NFIA: variants seen among roughly 807,000 people sequenced by gnomAD.
NFIA encodes nuclear factor 1 A-type.
A neutral mutation model predicts 62.8 loss-of-function variants in NFIA; 8 were observed. The observed-to-expected ratio is 0.13, with a 90% CI of 0.07 to 0.23. The LOEUF is 0.23. Ranked by LOEUF, NFIA falls within the 10% of genes least tolerant of loss-of-function variation. The pLI, the probability that NFIA is intolerant of heterozygous loss-of-function variation, is 1.00. For missense variants in NFIA, 410 were observed against 642.1 expected (o/e 0.64, Z 3.91); for synonymous variants, 235 against 238.1 (o/e 0.99, Z 0.12).
chr1:61,450,304 T>A (rs1668002481), intron 10 of NFIA, among the ~76,000 whole-genome samples: 1 of 152,206 alleles, frequency 6.6e-6, no homozygotes, highest in Non-Finnish European at 1.5e-5. Flanking sequence ...AGAGACCTCA[T>A]CCATTTCTAT....
At chr1:61,191,587 G>A (rs1651627575) in intron 2 of NFIA, among the ~76,000 whole-genome samples, 1 of 152,172 alleles carries the variant, frequency 6.6e-6, no homozygotes, top group Admixed American at 6.5e-5. Flanking sequence ...AGCTTCTGCT[G>A]TGTAGATAGT....
At chr1:61,106,030 T>A (rs1462330183) in intron 2 of NFIA, among the ~76,000 whole-genome samples, 2 of 151,716 alleles carry the variant, frequency 1.3e-5, no homozygotes, top group African/African-American at 4.8e-5. Context: ...ATATTACCAC[T>A]GGAGGGAAGC....
At chr1:61,358,464 G>T (rs7553528) in intron 5 of NFIA, among the ~76,000 whole-genome samples, 63,381 of 140,628 alleles carry the variant, frequency 0.45, 14,767 homozygotes, top group East Asian at 0.69. Flanking sequence ...TCGGCTCACT[G>T]CAACCTCCAC....
At chr1:61,138,256 G>A (rs935692851) in intron 2 of NFIA, among the ~76,000 whole-genome samples, 1 of 151,772 alleles carries the variant, frequency 6.6e-6, no homozygotes, top group African/African-American at 2.4e-5. Flanking sequence ...CCACCACGTA[G>A]GGCTAATTTT....
intron 6 of NFIA, among the ~76,000 whole-genome samples, chr1:61,363,833 G>A (rs1308143186): frequency 6.6e-6 from 1 of 151,980 alleles, no homozygotes; most frequent in Non-Finnish European, 1.5e-5. Flanking sequence ...TTAGGTCTTT[G>A]TTCAAATAGT....
At chr1:61,450,069 T>A (rs1037161708) in intron 10 of NFIA, among the ~76,000 whole-genome samples, 2 of 152,132 alleles carry the variant, frequency 1.3e-5, no homozygotes, top group East Asian at 1.9e-4. Flanking sequence ...TAAAATCCTA[T>A]TGGGAGAAAA....
chr1:61,424,122 G>A (rs561832564), intron 9 of NFIA, among the ~76,000 whole-genome samples: 1 of 152,140 alleles, frequency 6.6e-6, no homozygotes, highest in African/African-American at 2.4e-5. Flanking sequence ...CTTCTGGGAT[G>A]TTCTGAAACT....
chr1:61,198,178 A>C (rs1652170493), intron 2 of NFIA, among the ~76,000 whole-genome samples: 2 of 152,364 alleles, frequency 1.3e-5, no homozygotes, highest in South Asian at 4.1e-4. Flanking sequence ...AAACTGACCA[A>C]CATTTAATTC....
intron 2 of NFIA, among the ~76,000 whole-genome samples, chr1:61,254,986 A>G (rs1194654952): frequency 6.6e-6 from 1 of 152,220 alleles, no homozygotes; most frequent in Non-Finnish European, 1.5e-5. Context: ...CGTTTGTGAC[A>G]GCTAGGATCC....
chr1:61,161,640 C>A lies in NFIA; in HGVS notation c.559+72960C>A, dbSNP rs1045152566. On this transcript the variant is annotated intron_variant, in intron 2 of 10. Coordinates refer to ENST00000403491, the MANE Select transcript of NFIA (RefSeq NM_001134673.4). Reference sequence around the variant, plus strand: ...ACACACGCAGACAGTCTCTGACTTTCAACGGTTTGACTTTATGATGAGTTT... The same window carrying A: ...ACACACGCAGACAGTCTCTGACTTTAAACGGTTTGACTTTATGATGAGTTT... Among the ~76,000 whole-genome samples, 5 of 151,798 alleles carry A rather than the reference C, an allele frequency of 3.3e-5. No individual in the cohort carries two copies. In the South Asian group the frequency reaches 1.0e-3, roughly 32 times the overall value.
intron 6 of NFIA, among the ~76,000 whole-genome samples, chr1:61,370,574 C>G (rs964385909): frequency 6.6e-6 from 1 of 152,190 alleles, no homozygotes; most frequent in African/African-American, 2.4e-5. Context: ...TAAAGTATCA[C>G]TGACCTCCCT....
intron 2 of NFIA, among the ~76,000 whole-genome samples, chr1:61,239,351 T>C (rs1246500212): frequency 2.0e-5 from 3 of 152,232 alleles, no homozygotes; most frequent in African/African-American, 7.2e-5. Flanking sequence ...TGAATAATTA[T>C]TATAAGTGAT....
At chr1:61,361,647 C>G (rs956903863) in intron 6 of NFIA, among the ~76,000 whole-genome samples, 2 of 152,060 alleles carry the variant, frequency 1.3e-5, no homozygotes, top group Admixed American at 1.3e-4. Context: ...CCTAGTGACT[C>G]TTTTATTCAG....
At chr1:61,165,589 TGCA>T (rs1649514575) in intron 2 of NFIA, among the ~76,000 whole-genome samples, 1 of 152,246 alleles carries the variant, frequency 6.6e-6, no homozygotes, top group African/African-American at 2.4e-5. Context: ...TACACCTTTC[TGCA>T]GCTTAACTGC....
At chr1:61,396,460 T>C (rs1387249848) in intron 7 of NFIA, among the ~76,000 whole-genome samples, 2 of 152,022 alleles carry the variant, frequency 1.3e-5, no homozygotes, top group African/African-American at 4.8e-5. Flanking sequence ...TTGCCCAGGG[T>C]GGTCTCAAAC....
intron 4 of NFIA, among the ~76,000 whole-genome samples, chr1:61,333,340 A>G (rs537626551): frequency 1.3e-5 from 2 of 152,330 alleles, no homozygotes; most frequent in South Asian, 4.1e-4. Flanking sequence ...TTTTCATTTC[A>G]GGTTCATACC....
At chr1:61,279,591 A>G (rs1658013535) in intron 3 of NFIA, among the ~76,000 whole-genome samples, 1 of 152,202 alleles carries the variant, frequency 6.6e-6, no homozygotes, top group African/African-American at 2.4e-5. Flanking sequence ...TAATCTCCCT[A>G]AAGATGTCTC....
At chr1:61,384,210 A>T (rs1664567425) in intron 7 of NFIA, among the ~76,000 whole-genome samples, 1 of 152,206 alleles carries the variant, frequency 6.6e-6, no homozygotes, top group Admixed American at 6.5e-5. Flanking sequence ...TTCATAAAAC[A>T]TCCTAGAAAA....
intron 7 of NFIA, among the ~76,000 whole-genome samples, chr1:61,401,949 T>C (rs1416317562): frequency 6.6e-6 from 1 of 152,098 alleles, no homozygotes; most frequent in African/African-American, 2.4e-5. Context: ...TTTAACTTTT[T>C]AGCTTGTGGG....
Sources: gnomAD v4.1 joint callset for allele counts (sites outside exome capture counted in the v4.1 genomes callset) on GRCh38, gnomAD v4.1.1 for gene constraint, MANE v1.5 for transcripts, NCBI Gene and HGNC (gene_info 2026-07-23, HGNC 2026-07-21) for gene names.